Variants in TTC28 observed in about 807,000 individuals in gnomAD.
The protein encoded by TTC28 is tetratricopeptide repeat protein 28.
Under a neutral mutation model 198.0 loss-of-function variants are expected in TTC28, and 61 were observed. That is an observed-to-expected ratio of 0.31 (90% confidence interval 0.25 to 0.38). The LOEUF (loss-of-function observed/expected upper bound fraction) is 0.38, where lower values mean the gene tolerates loss of function less well. Ranked by LOEUF, TTC28 falls within the 10% of genes least tolerant of loss-of-function variation. The pLI is 1.00. For synonymous variants in TTC28, 1,171 were observed against 1,297.8 expected (o/e 0.90, Z 2.10); for missense variants, 2,678 against 3,164.0 (o/e 0.85, Z 3.69).
intron 2 of TTC28, among the ~76,000 whole-genome samples, chr22:28,472,458 T>C (rs1022937398): frequency 2.0e-5 from 3 of 152,104 alleles, no homozygotes; most frequent in Non-Finnish European, 4.4e-5. Flanking sequence ...AATAGTTTCA[T>C]AGACATTTGC....
chr22:27,996,034 C>T lies in TTC28; in HGVS notation c.5244+101G>A, dbSNP rs188236582. 2.3e-5 allele frequency: 33 copies of T among 1,460,200 alleles called. No homozygotes were observed. In the East Asian group the frequency reaches 8.2e-4, roughly 36 times the overall value. 90.5% of individuals were successfully genotyped at this position (1,460,200 alleles called of 1,614,324 possible). ...TGGACACGGCCCCAATCACGGTGTC[C>T]TCTCCAACTGCTCACATCCCCGTGT... On this transcript the variant is annotated intron_variant, in intron 17 of 22. Coordinates refer to ENST00000397906, the MANE Select transcript of TTC28 (RefSeq NM_001145418.2).
At chr22:28,376,845 C>A (rs1313034613) in intron 2 of TTC28, among the ~76,000 whole-genome samples, 1 of 152,078 alleles carries the variant, frequency 6.6e-6, no homozygotes, top group Non-Finnish European at 1.5e-5. Context: ...CAGCTGAGAA[C>A]CAATCAGCAC....
At chr22:28,661,627 G>A (rs1055924362) in intron 1 of TTC28, among the ~76,000 whole-genome samples, 6 of 141,710 alleles carry the variant, frequency 4.2e-5, no homozygotes, top group Non-Finnish European at 9.3e-5. Context: ...TTTTTTTTTT[G>A]AGACAGAGTC....
At chr22:28,638,781 A>G (rs2051315348) in intron 1 of TTC28, among the ~76,000 whole-genome samples, 1 of 152,252 alleles carries the variant, frequency 6.6e-6, no homozygotes, top group African/African-American at 2.4e-5. Flanking sequence ...ATAAAAAATT[A>G]GCAATACATT....
intron 2 of TTC28, among the ~76,000 whole-genome samples, chr22:28,453,865 C>T (rs1477015779): frequency 2.6e-5 from 4 of 152,190 alleles, no homozygotes; most frequent in Non-Finnish European, 5.9e-5. Flanking sequence ...CCGCTTAAGG[C>T]TTCCCTTTGC....
intron 12 of TTC28, among the ~76,000 whole-genome samples, chr22:28,081,719 T>C (rs909527013): frequency 1.3e-5 from 2 of 152,178 alleles, no homozygotes; most frequent in African/African-American, 4.8e-5. Flanking sequence ...CTCAAACTGC[T>C]GACCTCAGAT....
chr22:28,388,116 G>T (rs919751022), intron 2 of TTC28, among the ~76,000 whole-genome samples: 4 of 152,256 alleles, frequency 2.6e-5, no homozygotes, highest in East Asian at 1.9e-4. Context: ...TTTCCCCATT[G>T]CTTGTTTTTC....
Position 28,042,677 on chromosome 22 carries a change from T to G in TTC28, c.3933-12311A>C, listed in dbSNP as rs373246104. ...GCAAACCAACAGGGTTGTATACCTATGTAACAAACCTGCACGTTGTGCACA... is the reference window on the plus strand; with the variant it reads ...GCAAACCAACAGGGTTGTATACCTAGGTAACAAACCTGCACGTTGTGCACA... On this transcript the variant is annotated intron_variant, in intron 12 of 22. Coordinates refer to ENST00000397906, the MANE Select transcript of TTC28 (RefSeq NM_001145418.2). 2.0e-5 allele frequency among the ~76,000 whole-genome samples: 3 copies of G among 151,278 alleles called. No individual in the cohort carries two copies. The East Asian group carries it at 5.9e-4, about 30-fold the overall frequency.
At chr22:28,539,760 G>A (rs2049371143) in intron 2 of TTC28, among the ~76,000 whole-genome samples, 1 of 151,986 alleles carries the variant, frequency 6.6e-6, no homozygotes, top group South Asian at 2.1e-4. Context: ...GAAGGTGGTC[G>A]ACAGTGTCAG....
At chr22:28,624,356 C>T (rs1462388007) in intron 2 of TTC28, among the ~76,000 whole-genome samples, 2 of 150,422 alleles carry the variant, frequency 1.3e-5, no homozygotes, top group African/African-American at 4.9e-5. Context: ...CCAGACTGGG[C>T]AACAGAGCAA....
chr22:28,333,248 T>C (rs2045645189), intron 2 of TTC28, among the ~76,000 whole-genome samples: 1 of 152,190 alleles, frequency 6.6e-6, no homozygotes, highest in South Asian at 2.1e-4. Flanking sequence ...CAACTGTAAA[T>C]ACACCTTGTA....
At chr22:28,046,795 G>A (rs545691074) in intron 12 of TTC28, among the ~76,000 whole-genome samples, 2 of 152,266 alleles carry the variant, frequency 1.3e-5, no homozygotes, top group East Asian at 3.9e-4. Context: ...TGTACACATA[G>A]GCTATACACA....
intron 2 of TTC28, among the ~76,000 whole-genome samples, chr22:28,346,157 T>A (rs1385606879): frequency 6.6e-6 from 1 of 152,084 alleles, no homozygotes; most frequent in Non-Finnish European, 1.5e-5. Flanking sequence ...TTCAAGAGGG[T>A]AAATAAATTG....
intron 5 of TTC28, among the ~76,000 whole-genome samples, chr22:28,230,657 C>T (rs945448242): frequency 2.0e-5 from 3 of 152,020 alleles, no homozygotes; most frequent in African/African-American, 7.2e-5. Flanking sequence ...GGGGGAGGTT[C>T]GAGAGAAATA....
intron 5 of TTC28, among the ~76,000 whole-genome samples, chr22:28,228,521 G>A (rs1928526020): frequency 3.3e-5 from 5 of 152,038 alleles, no homozygotes; most frequent in Non-Finnish European, 5.9e-5. Flanking sequence ...CCAACATGGC[G>A]AAAACCCGTC....
At chr22:28,002,903 GA>G (rs1937769965) in intron 14 of TTC28, among the ~76,000 whole-genome samples, 1 of 152,170 alleles carries the variant, frequency 6.6e-6, no homozygotes, top group South Asian at 2.1e-4. Context: ...AGAATCGCTT[GA>G]ACCCAGGAGG....
chr22:28,675,743 A>G (rs1208550095), intron 1 of TTC28, among the ~76,000 whole-genome samples: 17 of 149,894 alleles, frequency 1.1e-4, no homozygotes, highest in African/African-American at 4.2e-4. Flanking sequence ...TGTCACACAC[A>G]CACACACACA....
At chr22:28,137,007 G>A (rs1196017800) in intron 6 of TTC28, among the ~76,000 whole-genome samples, 1 of 152,180 alleles carries the variant, frequency 6.6e-6, no homozygotes, top group East Asian at 1.9e-4. Flanking sequence ...CTCCTCCAGG[G>A]CGCTGAATTA....
chr22:28,387,307 T>G (rs1430295817), intron 2 of TTC28, among the ~76,000 whole-genome samples: 1 of 152,184 alleles, frequency 6.6e-6, no homozygotes, highest in African/African-American at 2.4e-5. Flanking sequence ...TAAACATACG[T>G]GTGCATGTGT....
Sources: gnomAD v4.1 joint callset for allele counts (sites outside exome capture counted in the v4.1 genomes callset) on GRCh38, gnomAD v4.1.1 for gene constraint, MANE v1.5 for transcripts, NCBI Gene and HGNC (gene_info 2026-07-23, HGNC 2026-07-21) for gene names.